Variants in ZNF705A observed in about 807,000 individuals in gnomAD.
ZNF705A encodes the protein zinc finger protein 705A.
Under a neutral mutation model 16.6 loss-of-function variants are expected in ZNF705A, and 8 were observed. The ratio of observed to expected loss-of-function variants is 0.48; its 90% CI spans 0.28 to 0.87. The LOEUF is 0.87. ZNF705A is among the 40% of genes least tolerant of loss of function. The pLI is 0.10. For missense variants in ZNF705A, 233 were observed against 359.9 expected (o/e 0.65, Z 2.85); for synonymous variants, 73 against 117.3 (o/e 0.62, Z 2.44).
upstream of ZNF705A, among the ~76,000 whole-genome samples, chr12:8,167,770 G>A (rs1430689666): frequency 1.3e-5 from 2 of 152,184 alleles, no homozygotes; most frequent in Non-Finnish European, 2.9e-5. Flanking sequence ...CTCCTCAGAA[G>A]AAAGAACTCG....
chr12:8,162,285 G>T (rs1948362400), intron 1 of ZNF705A, among the ~76,000 whole-genome samples: 2 of 152,172 alleles, frequency 1.3e-5, no homozygotes. Flanking sequence ...GGGCAAACAT[G>T]TGAGTTGTTT....
In ZNF705A at chr12:8,159,115, A is replaced by G. The variant is rs141724965; in HGVS notation, c.-72+2023A>G. Reference sequence around the variant, plus strand: ...ACTTAGAATAATAGTCTCCAGTCTCATCCACGTCCCTGCAAATGCCATTAC... The same window carrying G: ...ACTTAGAATAATAGTCTCCAGTCTCGTCCACGTCCCTGCAAATGCCATTAC... On this transcript the variant is annotated intron_variant, in intron 1 of 5. Coordinates refer to the ZNF705A transcript ENST00000396570. 2.7e-3 allele frequency among the ~76,000 whole-genome samples: 404 copies of G among 152,256 alleles called. 1 individual carries two copies. Among genetic ancestry groups the G allele is most frequent in the African/African-American group, 9.1e-3 (380 of 41,556 alleles).
chr12:8,160,000 A>G (rs767032063), intron 1 of ZNF705A, among the ~76,000 whole-genome samples: 1 of 152,244 alleles, frequency 6.6e-6, no homozygotes, highest in South Asian at 2.1e-4. Context: ...TGATTTTTGT[A>G]TAAAGTGAAA....
intron 1 of ZNF705A, among the ~76,000 whole-genome samples, chr12:8,164,969 T>C (rs1948385979): frequency 6.6e-6 from 1 of 152,154 alleles, no homozygotes; most frequent in Non-Finnish European, 1.5e-5. Flanking sequence ...AAAAGTGTTC[T>C]TATATCTCAA....
intron 4 of ZNF705A, among the ~76,000 whole-genome samples, chr12:8,176,729 G>C (rs1026066807): frequency 6.6e-6 from 1 of 152,142 alleles, no homozygotes; most frequent in African/African-American, 2.4e-5. Flanking sequence ...AAAATATGGG[G>C]GAGGCGTGTA....
chr12:8,157,558 G>T (rs1948319811), intron 1 of ZNF705A, among the ~76,000 whole-genome samples: 1 of 152,034 alleles, frequency 6.6e-6, no homozygotes, highest in African/African-American at 2.4e-5. Context: ...AAAGTGTTTT[G>T]GATATTGTGA....
chr12:8,160,877 TGA>T (rs1948349377), intron 1 of ZNF705A, among the ~76,000 whole-genome samples: 1 of 152,208 alleles, frequency 6.6e-6, no homozygotes, highest in Non-Finnish European at 1.5e-5. Context: ...AGAGGAGTAC[TGA>T]GAGTGTGCAT....
chr12:8,169,384 T>C (rs1948426599), upstream of ZNF705A, among the ~76,000 whole-genome samples: 2 of 152,236 alleles, frequency 1.3e-5, no homozygotes, highest in South Asian at 2.1e-4. Context: ...ATTTATAGTG[T>C]AATCTGACTT....
chr12:8,173,776 A>G (rs1174887290), intron 1 of ZNF705A, among the ~76,000 whole-genome samples: 1 of 152,268 alleles, frequency 6.6e-6, no homozygotes, highest in Non-Finnish European at 1.5e-5. Context: ...TAAGGGATCA[A>G]TGACTTATAT....
chr12:8,169,790 C>T (rs546433153), upstream of ZNF705A, among the ~76,000 whole-genome samples: 4 of 152,150 alleles, frequency 2.6e-5, no homozygotes, highest in Admixed American at 6.5e-5. Flanking sequence ...TCTAAATAGC[C>T]GTGAAAGGGC....
At chr12:8,168,467 G>A (rs1439625895), upstream of ZNF705A, among the ~76,000 whole-genome samples, 1 of 152,078 alleles carries the variant, frequency 6.6e-6, no homozygotes, top group African/African-American at 2.4e-5. Flanking sequence ...CATATTCTGT[G>A]TTCATTATTT....
chr12:8,175,782 G>A, intron 3 of ZNF705A, 78 bp from the exon 5 acceptor site: 1 of 1,602,038 alleles, frequency 6.2e-7, no homozygotes, highest in South Asian at 1.1e-5. Context: ...TTGAAAAAAA[G>A]TAAATGGGCC....
At chr12:8,160,715 G>A (rs774372340) in intron 1 of ZNF705A, among the ~76,000 whole-genome samples, 176 of 152,086 alleles carry the variant, frequency 1.2e-3, no homozygotes, top group African/African-American at 4.1e-3. Context: ...ATCAGTTCTA[G>A]GAGCTTTCTG....
chr12:8,173,244 A>G (rs982716064), intron 1 of ZNF705A, among the ~76,000 whole-genome samples: 1 of 152,258 alleles, frequency 6.6e-6, no homozygotes, highest in African/African-American at 2.4e-5. Flanking sequence ...TAAAGAAGTC[A>G]TTATTATTCT....
intron 1 of ZNF705A, 145 bp downstream of exon 2, chr12:8,172,782 T>C (rs917552469): frequency 2.2e-6 from 3 of 1,373,452 alleles, no homozygotes; most frequent in Non-Finnish European, 3.0e-6. Context: ...GCCTGGGTAT[T>C]CCAAATGCAA....
chr12:8,175,139 A>G (rs1365647736), intron 2 of ZNF705A, 89 bp from the exon 4 acceptor site: 1 of 750,038 alleles, frequency 1.3e-6, no homozygotes, highest in Admixed American at 2.8e-5. Flanking sequence ...CACTGTTTTT[A>G]TTCTTCCTTG....
At chr12:8,165,278 A>AT (rs36022408) in intron 1 of ZNF705A, among the ~76,000 whole-genome samples, 1,741 of 94,464 alleles carry the variant, frequency 0.018, 60 homozygotes, top group Middle Eastern at 0.023. Context: ...ATCTTTGCCC[A>AT]TTTTTTTTTT....
At chr12:8,168,852 G>C (rs1006042628), upstream of ZNF705A, 9 of 152,026 alleles carry the variant, frequency 5.9e-5, no homozygotes, top group Non-Finnish European at 1.2e-4. Context: ...ATTTTCTCAA[G>C]CAATTTTTAA....
chr12:8,179,518 A>T (rs1948515039), exon 5 of ZNF705A: 1 of 152,204 alleles, frequency 6.6e-6, no homozygotes, highest in African/African-American at 2.4e-5. Context: ...ATCAAGTGGG[A>T]TGACTTGAAA....
Sources: gnomAD v4.1 joint callset for allele counts (sites outside exome capture counted in the v4.1 genomes callset) on GRCh38, gnomAD v4.1.1 for gene constraint, MANE v1.5 for transcripts, NCBI Gene and HGNC (gene_info 2026-07-23, HGNC 2026-07-21) for gene names.